Variants in PRKD1 observed in about 807,000 individuals in gnomAD.
The protein encoded by PRKD1 is protein kinase D1.
In PRKD1, 63 loss-of-function variants were observed where a neutral mutation model predicts 95.9. The ratio of observed to expected loss-of-function variants is 0.66; its 90% confidence interval spans 0.54 to 0.81. PRKD1 has a LOEUF of 0.81. Ranked by LOEUF, PRKD1 falls within the 30% of genes least tolerant of loss-of-function variation. The pLI, the probability that PRKD1 is intolerant of heterozygous loss-of-function variation, is 0.00. For missense variants in PRKD1, 1,048 were observed against 1,165.3 expected, an observed-to-expected ratio of 0.90 and a Z score of 1.47; for synonymous variants, 425 against 423.1, an observed-to-expected ratio of 1.00 and a Z score of -0.05.
intron 16 of PRKD1, among the ~76,000 whole-genome samples, chr14:29,595,951 G>T (rs1005576142): frequency 1.2e-4 from 18 of 152,156 alleles, no homozygotes; most frequent in Non-Finnish European, 2.1e-4. Flanking sequence ...AATTCTCTCT[G>T]TCTCCTGGGA....
chr14:29,747,052 T>C (rs1222837839), intron 1 of PRKD1, among the ~76,000 whole-genome samples: 2 of 152,138 alleles, frequency 1.3e-5, no homozygotes, highest in Non-Finnish European at 2.9e-5. Flanking sequence ...AACGTTATAT[T>C]AAAAATTTAC....
intron 6 of PRKD1, chr14:29,638,266 T>C (rs1880511180): frequency 3.8e-6 from 2 of 532,808 alleles, no homozygotes; most frequent in African/African-American, 1.9e-5. Context: ...TTTTCAATAC[T>C]AGCTGCTCAC....
At chr14:29,709,130 T>C (rs1411488513) in intron 2 of PRKD1, among the ~76,000 whole-genome samples, 1 of 152,170 alleles carries the variant, frequency 6.6e-6, no homozygotes, top group East Asian at 1.9e-4. Context: ...AGAAGCAGAT[T>C]AGTTATGGAA....
intron 13 of PRKD1, among the ~76,000 whole-genome samples, chr14:29,603,395 C>G (rs7146081): frequency 0.19 from 29,468 of 151,924 alleles, 3,236 homozygotes; most frequent in African/African-American, 0.29. Context: ...TTGATAGTAA[C>G]AAAAGAAAAC....
chr14:29,704,749 T>G (rs928351183), intron 2 of PRKD1, among the ~76,000 whole-genome samples: 1 of 152,204 alleles, frequency 6.6e-6, no homozygotes, highest in African/African-American at 2.4e-5. Context: ...TTCATACTTA[T>G]GCACATTTAC....
chr14:29,900,585 C>A (rs1010405659), intron 1 of PRKD1, among the ~76,000 whole-genome samples: 22 of 152,094 alleles, frequency 1.4e-4, no homozygotes, highest in African/African-American at 5.3e-4. Flanking sequence ...ACAAACTATG[C>A]ATCTGACAAA....
chr14:29,698,307 G>A (rs752856219), intron 2 of PRKD1, among the ~76,000 whole-genome samples: 7 of 152,038 alleles, frequency 4.6e-5, no homozygotes, highest in African/African-American at 7.2e-5. Context: ...TTTTAATGAA[G>A]AGAGCAAAGT....
intron 16 of PRKD1, among the ~76,000 whole-genome samples, chr14:29,585,700 C>T (rs1183544694): frequency 6.6e-6 from 1 of 152,110 alleles, no homozygotes; most frequent in African/African-American, 2.4e-5. Context: ...TATAACAGAT[C>T]ATAAGATCAG....
rs888961390 is a variant in PRKD1, at chr14:29,684,238, C to T, written c.404-18030G>A. ...CCATCTCGGCTCACTGCAACCTCTG[C>T]CTCTTGGGTTCAAGCGATTCTCCTA... is the stretch of plus-strand genomic sequence containing the variant. On this transcript the variant is annotated intron_variant, in intron 2 of 17. Coordinates refer to ENST00000331968, the MANE Select transcript of PRKD1 (RefSeq NM_002742.3). Among the ~76,000 whole-genome samples, 13 of 151,650 alleles carry T rather than the reference C, an allele frequency of 8.6e-5. No individual in the cohort carries two copies. The Middle Eastern group carries it at 0.01, about 120-fold the overall frequency.
rs139395396 is a variant in PRKD1, at chr14:29,636,624, TTA to T, written c.986-132_986-131del. On this transcript the variant is annotated intron_variant, in intron 6 of 17. Coordinates refer to ENST00000331968, the MANE Select transcript of PRKD1 (RefSeq NM_002742.3). Reference sequence around the variant, plus strand: ...GGTAGTTCTGTGATGAGTTTATTTTTTATTTTTTAACTTTTATTTTAAGTTTA... The same window carrying T: ...GGTAGTTCTGTGATGAGTTTATTTTTTTTTTTAACTTTTATTTTAAGTTTA... 8.4e-3 allele frequency: 7,572 copies of T among 896,608 alleles called. 226 individuals carry two copies. The African/African-American group carries it at 0.089, about 11-fold the overall frequency. 55.5% of individuals were successfully genotyped at this position (896,608 alleles called of 1,614,324 possible).
intron 2 of PRKD1, among the ~76,000 whole-genome samples, chr14:29,677,110 C>T (rs938393423): frequency 7.2e-5 from 11 of 152,150 alleles, no homozygotes; most frequent in East Asian, 5.8e-4. Flanking sequence ...ACCATATAGC[C>T]GGTATATACA....
chr14:29,615,173 C>T (rs1373947839), intron 13 of PRKD1, among the ~76,000 whole-genome samples: 1 of 151,868 alleles, frequency 6.6e-6, no homozygotes, highest in Non-Finnish European at 1.5e-5. Context: ...TAAAGAAAAG[C>T]CTATTCATGT....
intron 2 of PRKD1, among the ~76,000 whole-genome samples, chr14:29,712,152 T>C (rs1368039417): frequency 6.6e-6 from 1 of 152,118 alleles, no homozygotes; most frequent in Non-Finnish European, 1.5e-5. Context: ...TCCCAAATAA[T>C]GTGATTGCAG....
At chr14:29,655,829 CA>C (rs1038034262) in intron 4 of PRKD1, among the ~76,000 whole-genome samples, 7 of 151,414 alleles carry the variant, frequency 4.6e-5, no homozygotes, top group Non-Finnish European at 1.0e-4. Flanking sequence ...TGTGATAACA[CA>C]AAAGGATGGA....
At chr14:29,753,843 T>C (rs1887583663) in intron 1 of PRKD1, among the ~76,000 whole-genome samples, 2 of 152,146 alleles carry the variant, frequency 1.3e-5, no homozygotes, top group Admixed American at 1.3e-4. Context: ...TTTTCAATGA[T>C]GTACACCTAG....
In PRKD1 at chr14:29,707,535, T is replaced by C. The variant is rs188776850; in HGVS notation, c.403+18001A>G. ...AATGTACCTGCCTTTGTGGAAATTA[T>C]ATTCGAGTGGGGAAGAAACATAAAT... On this transcript the variant is annotated intron_variant, in intron 2 of 17. Coordinates refer to ENST00000331968, the MANE Select transcript of PRKD1 (RefSeq NM_002742.3). 5.6e-3 allele frequency among the ~76,000 whole-genome samples: 848 copies of C among 152,274 alleles called. 6 individuals carry two copies. Among genetic ancestry groups the C allele is most frequent in the Middle Eastern group, 0.014 (4 of 294 alleles).
At chr14:29,681,248 A>T (rs879354222) in intron 2 of PRKD1, among the ~76,000 whole-genome samples, 1 of 152,200 alleles carries the variant, frequency 6.6e-6, no homozygotes, top group Non-Finnish European at 1.5e-5. Flanking sequence ...GTCGAGTTCT[A>T]TATTGGTATT....
intron 4 of PRKD1, among the ~76,000 whole-genome samples, chr14:29,661,141 A>G (rs41403048): frequency 0.014 from 2,173 of 152,320 alleles, 55 homozygotes; most frequent in African/African-American, 0.049. Flanking sequence ...AACAAACAGA[A>G]TTACCAATGT....
intron 1 of PRKD1, among the ~76,000 whole-genome samples, chr14:29,778,115 T>C (rs1888858890): frequency 1.3e-5 from 2 of 152,294 alleles, no homozygotes; most frequent in South Asian, 2.1e-4. Context: ...AGACACAACA[T>C]ACCAGACTCT....
Sources: allele counts gnomAD v4.1 joint callset (sites outside exome capture counted in the v4.1 genomes callset), GRCh38; gene constraint gnomAD v4.1.1; transcripts MANE v1.5; gene names NCBI Gene and HGNC (gene_info 2026-07-23, HGNC 2026-07-21).